The following PXDN variants were observed in gnomAD, a reference collection of about 807,000 sequenced individuals.
PXDN encodes the protein peroxidasin homolog.
A neutral mutation model predicts 140.3 loss-of-function variants in PXDN; 77 were observed. That is an observed-to-expected ratio of 0.55 (90% confidence interval 0.46 to 0.66). The LOEUF (loss-of-function observed/expected upper bound fraction) is 0.66, where lower values mean the gene tolerates loss of function less well. Among genes scored for constraint, PXDN ranks in the 30% least tolerant of loss-of-function variants. The pLI is 0.00. For synonymous variants in PXDN, 911 were observed against 857.4 expected (o/e 1.06, Z -1.09); for missense variants, 1,838 against 2,039.5 (o/e 0.90, Z 1.90).
chr2:1,704,869 T>A (rs1227508089), intron 1 of PXDN, among the ~76,000 whole-genome samples: 1 of 152,238 alleles, frequency 6.6e-6, no homozygotes. Flanking sequence ...TTTAACTTAG[T>A]GATTTGGGGG....
intron 7 of PXDN, 31 bp from the exon 8 acceptor site, chr2:1,677,075 T>C (rs1683736705): frequency 6.5e-7 from 1 of 1,536,080 alleles, no homozygotes; most frequent in Non-Finnish European, 8.8e-7. Flanking sequence ...GAAACCTTTT[T>C]AGTCTAAACC....
At position 1,680,340 on chromosome 2, in the gene PXDN, G is replaced by C; in HGVS notation, c.583C>G (p.His195Asp). The C allele has an allele frequency of 3.7e-6, 6 of 1,614,044 alleles. No homozygotes were observed. In the South Asian group the frequency reaches 5.5e-5, roughly 15 times the overall value. ...KRLRLDSNTL[H>D]CDCEILWLAD... is the part of the protein sequence containing the mutation. ...AACCACAGGATTTCACAGTCGCAGT[G>C]AAGTGTGTTTGAGTCCAGTCGCCTG... is the stretch of plus-strand genomic sequence containing the variant. Residue 195 changes from histidine to aspartate, a missense_variant, in exon 7 of 23, where the codon CAC becomes GAC. Physicochemically the swap from His to Asp is moderately conservative, Grantham distance 81 (BLOSUM62 -1). This residue lies in a region of PXDN where 208 missense variants were observed against 325.8 expected (regional missense o/e 0.64). Transcript: ENST00000252804.
intron 9 of PXDN, chr2:1,671,922 A>C (rs1683587657): frequency 6.6e-6 from 1 of 152,264 alleles, no homozygotes; most frequent in Admixed American, 6.5e-5. Flanking sequence ...AAGAAAACTT[A>C]ATCATAGACA....
rs1485227789 is a variant in PXDN, at chr2:1,644,737, T to C, written c.3624A>G (p.Thr1208=). Residue 1208 remains threonine (T), a synonymous_variant, in exon 18 of 23, where the codon ACA becomes ACG. Coordinates refer to ENST00000252804, the MANE Select transcript of PXDN (RefSeq NM_012293.3). ...REKLKRLYGS[T]LNIDLFPALV... is the part of the protein sequence containing the mutation. ...GCGCCGGAAACAGGTCGATGTTGAG[T>C]GTCGAGCCATACAACCTAAAAAATA... 2 of 1,558,566 alleles carry C rather than the reference T, an allele frequency of 1.3e-6. No individual in the cohort carries two copies. The highest frequency in any genetic ancestry group is 1.2e-5 in the South Asian group (1 of 83,000).
chr2:1,734,877 A>C (rs986883258), intron 1 of PXDN, among the ~76,000 whole-genome samples: 1 of 152,202 alleles, frequency 6.6e-6, no homozygotes, highest in Non-Finnish European at 1.5e-5. Flanking sequence ...CAATAAATAA[A>C]TAAATAAAAA....
intron 14 of PXDN, among the ~76,000 whole-genome samples, chr2:1,656,690 CT>C (rs1386359881): frequency 1.3e-5 from 2 of 149,562 alleles, no homozygotes; most frequent in African/African-American, 4.9e-5. Flanking sequence ...ACCTGCCCCC[CT>C]GACAGAAACC....
chr2:1,673,693 GC>G lies in PXDN; in HGVS notation c.967del (p.Ala323ProfsTer4). ...GIYQCMAKNV[A>X]GEVKTQEVTL... ...CACCTCTTGCGTCTTCACCTCTCCG[GC>G]CACGTTCTTTGCCATGCACTGGTAG... On this transcript the variant is annotated frameshift_variant, in exon 9 of 23. Coordinates refer to ENST00000252804, the MANE Select transcript of PXDN (RefSeq NM_012293.3). LOFTEE classifies it high-confidence loss of function. 1 of 1,613,908 alleles carries G rather than the reference GC, an allele frequency of 6.2e-7. No individual in the cohort carries two copies. The highest frequency in any genetic ancestry group is 8.5e-7 in the Non-Finnish European group (1 of 1,179,864).
At chr2:1,675,608 A>G (rs1325653139) in intron 8 of PXDN, among the ~76,000 whole-genome samples, 1 of 152,154 alleles carries the variant, frequency 6.6e-6, no homozygotes, top group Non-Finnish European at 1.5e-5. Context: ...TAGAGCTGGA[A>G]CAAACCTCCC....
At chr2:1,656,440 T>C (rs926447280) in intron 14 of PXDN, among the ~76,000 whole-genome samples, 3 of 152,158 alleles carry the variant, frequency 2.0e-5, no homozygotes, top group African/African-American at 4.8e-5. Flanking sequence ...CAACACACCC[T>C]TACAAAAAAG....
At chr2:1,637,080 T>C (rs1432309565) in intron 21 of PXDN, 2 of 152,266 alleles carry the variant, frequency 1.3e-5, no homozygotes, top group African/African-American at 4.8e-5. Context: ...ATCAGCAACA[T>C]GGGAGGGCAT....
chr2:1,658,673 C>T (rs552831214), intron 14 of PXDN, among the ~76,000 whole-genome samples: 29 of 152,184 alleles, frequency 1.9e-4, no homozygotes, highest in East Asian at 3.9e-4. Context: ...CATGGCGTCC[C>T]GGTATGTCTG....
chr2:1,659,167 C>T (rs1208190942), intron 14 of PXDN, among the ~76,000 whole-genome samples: 3 of 152,196 alleles, frequency 2.0e-5, no homozygotes, highest in South Asian at 2.1e-4. Context: ...GTGCTCACAC[C>T]GGACTATGGA....
rs775142252 is a variant in PXDN, at chr2:1,677,002, G to A, written c.773C>T (p.Thr258Ile). 63 of 1,612,568 alleles carry A rather than the reference G, an allele frequency of 3.9e-5. No individual in the cohort carries two copies. The highest frequency in any genetic ancestry group is 5.2e-5 in the Non-Finnish European group (61 of 1,179,346). The change falls in exon 8 of 23, where the codon ACC (threonine) becomes ATC (isoleucine). Residue 258 changes from threonine (T) to isoleucine (I), a missense_variant. This residue lies in a region of PXDN where 208 missense variants were observed against 325.8 expected (regional missense o/e 0.64). Coordinates refer to ENST00000252804, the MANE Select transcript of PXDN (RefSeq NM_012293.3). ...GGTGAAGTACACGGTGTTCCCCGAGGTCACATCTGCGTCCTGGGGCTCGGA... is the reference window on the plus strand; with the variant it reads ...GGTGAAGTACACGGTGTTCCCCGAGATCACATCTGCGTCCTGGGGCTCGGA... The part of the protein sequence containing the change: ...ITSEPQDADV[T>I]SGNTVYFTCR...
chr2:1,731,072 C>T (rs73182731), intron 1 of PXDN, among the ~76,000 whole-genome samples: 1,810 of 152,166 alleles, frequency 0.012, 43 homozygotes, highest in African/African-American at 0.042. Flanking sequence ...GGAATATCAA[C>T]ATCACAGACC....
rs58238766 is a variant in PXDN, at chr2:1,696,347, A to G, written c.201-3213T>C. ...GCTCACAGCAGTTAGACCTCCCACC[A>G]TGCTCTAAGGCAGAGCACCAAAAAA... On this transcript the variant is annotated intron_variant, in intron 1 of 22. Transcript: ENST00000252804. 0.023 allele frequency among the ~76,000 whole-genome samples: 3,487 copies of G among 152,264 alleles called. 273 individuals are homozygous for G. The East Asian group carries it at 0.29, about 13-fold the overall frequency.
At chr2:1,704,561 G>GAGGGCAACTCCAGGTGAAGGA (rs1164345296) in intron 1 of PXDN, among the ~76,000 whole-genome samples, 14 of 106,730 alleles carry the variant, frequency 1.3e-4, no homozygotes, top group African/African-American at 5.1e-4. Flanking sequence ...CAGGTGAAGG[G>GAGGGCAACTCCAGGTGAAGGA]AGGGCAACTC....
At chr2:1,692,796 A>G (rs1197202520) in intron 2 of PXDN, among the ~76,000 whole-genome samples, 1 of 152,202 alleles carries the variant, frequency 6.6e-6, no homozygotes, top group African/African-American at 2.4e-5. Flanking sequence ...CAAGTGACCC[A>G]CATGAAGGCC....
In PXDN at chr2:1,700,435, G is replaced by C. The variant is rs111402351; in HGVS notation, c.201-7301C>G. ...TTACCTAAGATTTTTGATCACATTT[G>C]GGTCACGATGTTAAAAATTATCTTG... On this transcript the variant is annotated intron_variant, in intron 1 of 22. Transcript: ENST00000252804. 2.7e-3 allele frequency among the ~76,000 whole-genome samples: 409 copies of C among 152,118 alleles called. 3 individuals carry two copies. Among genetic ancestry groups the C allele is most frequent in the Non-Finnish European group, 4.4e-3 (301 of 68,002 alleles).
At chr2:1,643,005 C>T (rs933478149) in intron 19 of PXDN, among the ~76,000 whole-genome samples, 2 of 152,220 alleles carry the variant, frequency 1.3e-5, no homozygotes, top group South Asian at 2.1e-4. Context: ...TATGCTTCTT[C>T]CATATTTTGA....
Sources: allele counts gnomAD v4.1 joint callset (sites outside exome capture counted in the v4.1 genomes callset), GRCh38; gene constraint gnomAD v4.1.1; regional missense constraint gnomAD v4.1.1; transcripts MANE v1.5; gene names NCBI Gene and HGNC (gene_info 2026-07-23, HGNC 2026-07-21).